Variants in THRB observed in about 807,000 individuals in gnomAD.
THRB encodes the protein thyroid hormone receptor beta, also known as nuclear receptor subfamily 1 group A member 2.
A neutral mutation model predicts 47.8 loss-of-function variants in THRB; 12 were observed. The ratio of observed to expected loss-of-function variants is 0.25; its 90% CI spans 0.16 to 0.41. THRB has a LOEUF of 0.41. THRB is among the 10% of genes least tolerant of loss of function. THRB has a pLI of 1.00. For missense variants in THRB, 348 were observed against 589.2 expected (o/e 0.59, Z 4.24); for synonymous variants, 218 against 212.2 (o/e 1.03, Z -0.24).
At chr3:24,126,373 C>T (rs200483048) in intron 10 of THRB, among the ~76,000 whole-genome samples, 4 of 152,002 alleles carry the variant, frequency 2.6e-5, no homozygotes, top group South Asian at 2.1e-4. Flanking sequence ...AGAGCAAGAC[C>T]GTGTCTCAGG....
At chr3:24,233,535 G>A in intron 3 of THRB, among the ~76,000 whole-genome samples, 1 of 114,372 alleles carries the variant, frequency 8.7e-6, no homozygotes, top group Non-Finnish European at 1.8e-5. Flanking sequence ...GGAAGGAAAA[G>A]AAAGAAAGAG....
chr3:24,452,024 T>G (rs1446399323), intron 1 of THRB, among the ~76,000 whole-genome samples: 1 of 152,106 alleles, frequency 6.6e-6, no homozygotes, highest in Non-Finnish European at 1.5e-5. Flanking sequence ...TCTTTAGCAT[T>G]TAGAGATGAC....
intron 5 of THRB, among the ~76,000 whole-genome samples, chr3:24,176,962 C>A (rs932735482): frequency 1.1e-4 from 16 of 152,062 alleles, no homozygotes; most frequent in Admixed American, 7.9e-4. Context: ...CTCAGTGAAG[C>A]TTTACAAAAA....
chr3:24,487,152 T>G (rs1435446658), intron 1 of THRB, among the ~76,000 whole-genome samples: 1 of 151,094 alleles, frequency 6.6e-6, no homozygotes, highest in Non-Finnish European at 1.5e-5. Context: ...TGCTAGGGGT[T>G]TGTGTGTGTG....
intron 5 of THRB, among the ~76,000 whole-genome samples, chr3:24,159,562 G>A (rs1157214865): frequency 6.6e-6 from 1 of 152,174 alleles, no homozygotes; most frequent in Admixed American, 6.5e-5. Flanking sequence ...AAATGGAGGA[G>A]GGATTTTAAC....
intron 3 of THRB, among the ~76,000 whole-genome samples, chr3:24,236,747 C>A (rs1285632463): frequency 6.6e-6 from 1 of 152,124 alleles, no homozygotes; most frequent in African/African-American, 2.4e-5. Flanking sequence ...TTTAACCTTG[C>A]TGTGGGGAGT....
intron 1 of THRB, among the ~76,000 whole-genome samples, chr3:24,357,840 T>C (rs1311558368): frequency 1.3e-5 from 2 of 152,154 alleles, no homozygotes; most frequent in Admixed American, 6.6e-5. Flanking sequence ...TGTGCGTCTT[T>C]TCATACACTT....
chr3:24,326,493 C>T (rs528075624), intron 2 of THRB, among the ~76,000 whole-genome samples: 3 of 152,276 alleles, frequency 2.0e-5, no homozygotes, highest in Non-Finnish European at 4.4e-5. Context: ...GCCTCGGCCT[C>T]CCAAAGTGCT....
intron 3 of THRB, among the ~76,000 whole-genome samples, chr3:24,295,367 C>T (rs1405003365): frequency 6.6e-6 from 1 of 152,184 alleles, no homozygotes; most frequent in Non-Finnish European, 1.5e-5. Context: ...TATAGGATTA[C>T]TAGGGCAGGC....
At chr3:24,362,864 T>C (rs986713940) in intron 1 of THRB, among the ~76,000 whole-genome samples, 1 of 152,124 alleles carries the variant, frequency 6.6e-6, no homozygotes, top group Non-Finnish European at 1.5e-5. Context: ...ACATGTATAA[T>C]AACATTTGTG....
At chr3:24,495,692 G>C (rs1213631269), upstream of THRB, 2 of 152,248 alleles carry the variant, frequency 1.3e-5, no homozygotes, top group South Asian at 4.2e-4. Context: ...AGCACGTCTC[G>C]GCCTTCTTTG....
At chr3:24,401,754 TC>T (rs1407824701) in intron 1 of THRB, among the ~76,000 whole-genome samples, 3 of 152,040 alleles carry the variant, frequency 2.0e-5, no homozygotes, top group African/African-American at 7.2e-5. Context: ...ACCAGCAGTT[TC>T]CCTAACACTT....
intron 3 of THRB, among the ~76,000 whole-genome samples, chr3:24,276,958 A>T (rs760607162): frequency 1.3e-5 from 2 of 150,550 alleles, no homozygotes; most frequent in Non-Finnish European, 2.9e-5. Context: ...GCAAACTTCA[A>T]AATAAAAAAC....
intron 1 of THRB, among the ~76,000 whole-genome samples, chr3:24,446,999 C>A (rs761567057): frequency 1.2e-4 from 19 of 152,110 alleles, no homozygotes; most frequent in Non-Finnish European, 2.5e-4. Context: ...ACTTCCCAGT[C>A]TCCCATCATT....
chr3:24,255,666 G>C (rs1466908442), intron 3 of THRB, among the ~76,000 whole-genome samples: 1 of 152,190 alleles, frequency 6.6e-6, no homozygotes. Context: ...TCATGGAGAA[G>C]GGAGGGACCC....
intron 1 of THRB, among the ~76,000 whole-genome samples, chr3:24,379,446 G>A (rs894278077): frequency 2.6e-5 from 4 of 152,090 alleles, no homozygotes; most frequent in Non-Finnish European, 5.9e-5. Flanking sequence ...CAAGCCAAGA[G>A]AAACTCCTAA....
At chr3:24,443,719 A>G (rs1057501801) in intron 1 of THRB, among the ~76,000 whole-genome samples, 15 of 152,220 alleles carry the variant, frequency 9.9e-5, no homozygotes, top group Non-Finnish European at 2.1e-4. Flanking sequence ...AATAATTCAA[A>G]AGAAACTATG....
chr3:24,275,931 T>A (rs144792544), intron 3 of THRB, among the ~76,000 whole-genome samples: 1 of 152,276 alleles, frequency 6.6e-6, no homozygotes, highest in East Asian at 1.9e-4. Context: ...AGAGGCTGAA[T>A]AACTACTGGA....
intron 1 of THRB, chr3:24,458,996 A>T (rs1270916872): frequency 2.0e-5 from 3 of 151,956 alleles, no homozygotes; most frequent in Non-Finnish European, 4.4e-5. Flanking sequence ...TCTGCGGTAC[A>T]TGTGCAGAAC....
Sources: allele counts gnomAD v4.1 joint callset (sites outside exome capture counted in the v4.1 genomes callset), GRCh38; gene constraint gnomAD v4.1.1; transcripts MANE v1.5; gene names NCBI Gene and HGNC (gene_info 2026-07-23, HGNC 2026-07-21).